GLB1: variants seen among roughly 807,000 people sequenced by gnomAD.
The protein encoded by GLB1 is galactosidase beta 1.
GLB1 carries 56 observed loss-of-function variants against 74.0 expected under a neutral mutation model. That is an observed-to-expected ratio of 0.76 (90% CI 0.61 to 0.94). The LOEUF is 0.94. GLB1 is among the 40% of genes least tolerant of loss of function. GLB1 has a pLI of 0.00. For synonymous variants in GLB1, 323 were observed against 323.6 expected (o/e 1.00, Z 0.02); for missense variants, 787 against 845.5 (o/e 0.93, Z 0.86).
chr3:33,040,322 T>C (rs189052249), intron 10 of GLB1, among the ~76,000 whole-genome samples: 1 of 152,234 alleles, frequency 6.6e-6, no homozygotes, highest in East Asian at 1.9e-4. Flanking sequence ...AAATGCTAAT[T>C]CTCTCTGGAA....
rs1204964171 is a variant in GLB1, at chr3:33,078,939, G to A, written c.76-6226C>T. ...TCTCATGGCAGTCTTGAACTCCTGG[G>A]TTCAAGCGATTCTCCTGCTTCAGCA... On this transcript the variant is annotated intron_variant, in intron 1 of 15. Transcript: ENST00000307363. 4.6e-5 allele frequency among the ~76,000 whole-genome samples: 7 copies of A among 152,076 alleles called. No homozygotes were observed. In the East Asian group the frequency reaches 1.2e-3, roughly 25 times the overall value.
At chr3:33,094,845 A>G (rs1700938640) in intron 1 of GLB1, among the ~76,000 whole-genome samples, 2 of 152,226 alleles carry the variant, frequency 1.3e-5, no homozygotes, top group Non-Finnish European at 2.9e-5. Flanking sequence ...GGGGAGAAAT[A>G]CTATTGTTTT....
At position 33,093,238 on chromosome 3, in the gene GLB1, C is replaced by T. The variant is rs771652185; in HGVS notation, c.75+3773G>A. The T allele has an allele frequency of 6.9e-5, 112 of 1,614,030 alleles. No homozygotes were observed. The highest frequency in any genetic ancestry group is 9.2e-5 in the Non-Finnish European group (109 of 1,180,002). ...CAGTCCTCATCCTCACTCCCACTGC[C>T]ACTGCCACCACCACCACGTTGGGCC... On this transcript the variant is annotated intron_variant, in intron 1 of 15. Transcript: ENST00000307363. The surrounding 1 kb of genome is among the most constrained non-coding windows in gnomAD (Gnocchi z 6.0).
At chr3:33,039,458 G>C (rs779981894) in intron 10 of GLB1, among the ~76,000 whole-genome samples, 36 of 152,260 alleles carry the variant, frequency 2.4e-4, no homozygotes, top group Non-Finnish European at 4.9e-4. Flanking sequence ...TCTAATGGAA[G>C]CTCTAGAACT....
intron 4 of GLB1, 148 bp from the exon 5 acceptor site, chr3:33,065,705 C>A (rs997971667): frequency 3.4e-6 from 3 of 888,738 alleles, no homozygotes; most frequent in Non-Finnish European, 5.1e-6. Flanking sequence ...CGGTGGCTCA[C>A]GCCTGTAATC....
chr3:33,093,559 A>C lies in GLB1; in HGVS notation c.75+3452T>G, dbSNP rs547361328. On this transcript the variant is annotated intron_variant, in intron 1 of 15. Transcript: ENST00000307363. The surrounding 1 kb of genome is among the most constrained non-coding windows in gnomAD (Gnocchi z 6.0). ...ACTGTGGGGCCCAAGTGAATGTCTG[A>C]GAGGAGCACGATCTTGAGGTTGTTC... is the stretch of plus-strand genomic sequence containing the variant. The C allele has an allele frequency of 1.1e-5, 17 of 1,614,186 alleles. No homozygotes were observed. In the Admixed American group the frequency reaches 1.8e-4, roughly 17 times the overall value.
At chr3:32,992,596 C>A (rs554878951), downstream of GLB1, among the ~76,000 whole-genome samples, 5 of 152,314 alleles carry the variant, frequency 3.3e-5, no homozygotes, top group East Asian at 9.6e-4. Context: ...TTACACGATT[C>A]CCTTGCCCGA....
intron 15 of GLB1, among the ~76,000 whole-genome samples, chr3:33,009,588 C>A (rs190360553): frequency 6.6e-6 from 1 of 152,288 alleles, no homozygotes; most frequent in East Asian, 1.9e-4. Flanking sequence ...TAGAAACATG[C>A]AGCCAGAGAG....
chr3:32,986,218 A>G, the GLB1 span, among the ~76,000 whole-genome samples: 1 of 152,212 alleles, frequency 6.6e-6, no homozygotes, highest in Non-Finnish European at 1.5e-5. Context: ...CCTGTAGCAG[A>G]TGCTGCTGAT....
At position 32,997,347 on chromosome 3, in the gene GLB1, G is replaced by A. The variant is rs1559375058; in HGVS notation, c.1735-3C>T. 6.2e-7 allele frequency: 1 copy of A among 1,612,470 alleles called. No individual in the cohort carries two copies. Among genetic ancestry groups the A allele is most frequent in the Non-Finnish European group, 8.5e-7 (1 of 1,179,880 alleles). On this transcript the variant is annotated splice_region_variant and splice_polypyrimidine_tract_variant and intron_variant, in intron 15 of 15. Transcript: ENST00000307363. Reference sequence around the variant, plus strand: ...AAGCCATTAATCCAGACCTGGCCCTGGAGAGAGAGAGACAGAGAACCATCA... The same window carrying A: ...AAGCCATTAATCCAGACCTGGCCCTAGAGAGAGAGAGACAGAGAACCATCA...
At chr3:32,967,568 C>A in the GLB1 span, among the ~76,000 whole-genome samples, 1 of 152,138 alleles carries the variant, frequency 6.6e-6, no homozygotes, top group East Asian at 1.9e-4. Flanking sequence ...GTAACTTAAC[C>A]CTTTGATGGG....
chr3:33,004,251 A>T (rs1696698735), intron 15 of GLB1, among the ~76,000 whole-genome samples: 1 of 152,176 alleles, frequency 6.6e-6, no homozygotes, highest in African/African-American at 2.4e-5. Context: ...TGAAAGAGAG[A>T]TGGTCTCATC....
At chr3:33,092,399 A>T in intron 1 of GLB1, 2 of 992,478 alleles carry the variant, frequency 2.0e-6, no homozygotes, top group Non-Finnish European at 2.4e-6. Context: ...GCTCTGGATC[A>T]ATGATTCTGG....
intron 10 of GLB1, among the ~76,000 whole-genome samples, chr3:33,040,787 G>C (rs778153259): frequency 2.0e-5 from 3 of 152,128 alleles, no homozygotes; most frequent in Admixed American, 6.6e-5. Context: ...ATATATAACA[G>C]AAGTATCTCT....
chr3:33,059,659 T>C (rs1699365254), intron 5 of GLB1, among the ~76,000 whole-genome samples: 1 of 152,184 alleles, frequency 6.6e-6, no homozygotes, highest in Non-Finnish European at 1.5e-5. Context: ...GACGAAATGG[T>C]GTATGATCAA....
At chr3:33,004,017 G>C (rs1696685324) in intron 15 of GLB1, among the ~76,000 whole-genome samples, 1 of 151,716 alleles carries the variant, frequency 6.6e-6, no homozygotes, top group Non-Finnish European at 1.5e-5. Context: ...GCAACAGAGT[G>C]AGACTCCATT....
At chr3:33,071,320 C>T (rs778142591) in intron 2 of GLB1, among the ~76,000 whole-genome samples, 13 of 152,182 alleles carry the variant, frequency 8.5e-5, no homozygotes, top group Non-Finnish European at 1.5e-4. Flanking sequence ...TATCTATCTT[C>T]GGAATCTGCC....
chr3:33,059,240 AACATACAC>A (rs1277969403), intron 5 of GLB1, among the ~76,000 whole-genome samples: 1 of 98,610 alleles, frequency 1.0e-5, no homozygotes, highest in Non-Finnish European at 2.0e-5. Flanking sequence ...ATTTATATAA[AACATACAC>A]ACACACACAC....
In GLB1 at chr3:33,095,939, GCTGA is replaced by G. The variant is rs1224165381; in HGVS notation, c.75+1068_75+1071del. Among the ~76,000 whole-genome samples, 7 of 152,278 alleles carry G rather than the reference GCTGA, an allele frequency of 4.6e-5. No homozygotes were observed. The South Asian group carries it at 6.2e-4, about 14-fold the overall frequency. On this transcript the variant is annotated intron_variant, in intron 1 of 15. Transcript: ENST00000307363. The stretch of plus-strand genomic sequence containing the variant: ...GAAGAGGGAGCAGCAAATAATCTGT[GCTGA>G]CTTTTTCCCAAAATGAAAACATTTT...
Sources: gnomAD v4.1 joint callset for allele counts (sites outside exome capture counted in the v4.1 genomes callset) on GRCh38, gnomAD v4.1.1 for gene constraint, Gnocchi (gnomAD v3.1) non-coding constraint, MANE v1.5 for transcripts, NCBI Gene and HGNC (gene_info 2026-07-23, HGNC 2026-07-21) for gene names.